The following MARCHF2 variants were observed in gnomAD, a reference collection of about 807,000 sequenced individuals.
The protein encoded by MARCHF2 is membrane associated ring-CH-type finger 2.
Under a neutral mutation model 24.0 loss-of-function variants are expected in MARCHF2, and 22 were observed. The observed-to-expected ratio is 0.92, with a 90% CI of 0.66 to 1.31. MARCHF2 has a LOEUF of 1.31. Ranked by LOEUF, MARCHF2 falls within the 50% of genes most tolerant of loss-of-function variation. The pLI, the probability that MARCHF2 is intolerant of heterozygous loss-of-function variation, is 0.00. For missense variants in MARCHF2, 301 were observed against 335.3 expected (o/e 0.90, Z 0.80); for synonymous variants, 154 against 153.0 (o/e 1.01, Z -0.05).
chr19:8,417,012 G>A (rs1380714954), intron 1 of MARCHF2, among the ~76,000 whole-genome samples: 1 of 151,792 alleles, frequency 6.6e-6, no homozygotes, highest in Non-Finnish European at 1.5e-5. Flanking sequence ...GAAGCTGCTA[G>A]TATAATTTTG....
intron 3 of MARCHF2, among the ~76,000 whole-genome samples, chr19:8,428,519 G>A (rs11882689): frequency 0.029 from 4,253 of 147,226 alleles, 77 homozygotes; most frequent in Non-Finnish European, 0.041. Flanking sequence ...GTGTGGTGGC[G>A]CATGCCTGTA....
chr19:8,434,497 C>T (rs530167244), intron 4 of MARCHF2, among the ~76,000 whole-genome samples: 15 of 151,684 alleles, frequency 9.9e-5, no homozygotes, highest in African/African-American at 3.4e-4. Context: ...ACACACACAA[C>T]GAGGCAGCCA....
intron 1 of MARCHF2, 183 bp downstream of exon 1, chr19:8,413,603 C>G (rs1326618143): frequency 6.6e-6 from 1 of 152,188 alleles, no homozygotes; most frequent in African/African-American, 2.4e-5. Flanking sequence ...GGGTCCGGCA[C>G]ACATAGGCGC....
chr19:8,417,657 C>T (rs1196047905), intron 1 of MARCHF2, among the ~76,000 whole-genome samples: 2 of 151,020 alleles, frequency 1.3e-5, no homozygotes, highest in Non-Finnish European at 1.5e-5. Context: ...AGGCTGGTCT[C>T]GAACTCCTGA....
chr19:8,430,625 C>G lies in MARCHF2; in HGVS notation c.373-33C>G. On this transcript the variant is annotated intron_variant, in intron 3 of 4. Transcript: ENST00000215555. This position sits in a 1 kb window ranked among gnomAD's most constrained non-coding sequence, Gnocchi z 4.4. ...CCCCTCAGTAGCCCCTTCTCTGCCC[C>G]CTCTCCTCTGCCCCCTATCCTCTCC... 1 of 1,584,238 alleles carries G rather than the reference C, an allele frequency of 6.3e-7. No homozygotes were observed.
At chr19:8,413,773 G>A (rs1967010445) in intron 1 of MARCHF2, 1 of 152,228 alleles carries the variant, frequency 6.6e-6, no homozygotes, top group African/African-American at 2.4e-5. Context: ...CTCCTTCTCA[G>A]AGCGGCTCTG....
At chr19:8,421,382 C>CTTTTTTTTTTTTTT (rs1254772289) in intron 1 of MARCHF2, among the ~76,000 whole-genome samples, 198 of 111,584 alleles carry the variant, frequency 1.8e-3, no homozygotes, top group Middle Eastern at 5.6e-3. Flanking sequence ...TCTTTCTTTT[C>CTTTTTTTTTTTTTT]TTTTTTTTTT....
rs142636565 is a variant in MARCHF2, at chr19:8,433,404, C to T, written c.582+2537C>T. ...CTAAAAATACAAAAAATTGGCCAGG[C>T]ACGGTGGCTCACGCCTGTAATTCCA... On this transcript the variant is annotated intron_variant, in intron 4 of 4. Transcript: ENST00000215555. 7.2e-3 allele frequency among the ~76,000 whole-genome samples: 1,084 copies of T among 151,594 alleles called. 7 individuals carry two copies. The highest frequency in any genetic ancestry group is 0.017 in the Middle Eastern group (5 of 292).
At position 8,428,556 on chromosome 19, in the gene MARCHF2, A is replaced by G. The variant is rs575913545; in HGVS notation, c.372+1752A>G. 8.9e-5 allele frequency among the ~76,000 whole-genome samples: 13 copies of G among 145,970 alleles called. No individual in the cohort carries two copies. The East Asian group carries it at 2.5e-3, about 29-fold the overall frequency. ...TCCCAGCTACTTGGGAGGCTGAGGC[A>G]GGAGAATCACTTAAAGCTGGGAGGC... On this transcript the variant is annotated intron_variant, in intron 3 of 4. Coordinates refer to ENST00000215555, the MANE Select transcript of MARCHF2 (RefSeq NM_001005415.2).
intron 1 of MARCHF2, among the ~76,000 whole-genome samples, chr19:8,416,567 T>C (rs952987109): frequency 6.6e-5 from 10 of 152,016 alleles, no homozygotes; most frequent in South Asian, 2.1e-4. Context: ...GTGGACCCCA[T>C]TGGCACTTCA....
intron 2 of MARCHF2, among the ~76,000 whole-genome samples, chr19:8,422,886 G>A (rs1967289465): frequency 7.1e-6 from 1 of 140,422 alleles, no homozygotes; most frequent in African/African-American, 2.7e-5. Flanking sequence ...TGTATTTTTG[G>A]TAGAGATGGG....
intron 1 of MARCHF2, among the ~76,000 whole-genome samples, chr19:8,417,193 C>T (rs971565551): frequency 1.3e-5 from 2 of 152,058 alleles, no homozygotes; most frequent in South Asian, 2.1e-4. Context: ...CCTGTAATCC[C>T]AGCACTTTGG....
intron 4 of MARCHF2, among the ~76,000 whole-genome samples, chr19:8,436,732 G>A (rs569651213): frequency 3.5e-5 from 5 of 141,726 alleles, no homozygotes; most frequent in Non-Finnish European, 7.5e-5. Flanking sequence ...ACCCAGGCTG[G>A]AGTGAAGTGG....
chr19:8,428,921 G>A (rs1325687991), intron 3 of MARCHF2, among the ~76,000 whole-genome samples: 2 of 151,562 alleles, frequency 1.3e-5, no homozygotes, highest in East Asian at 3.9e-4. Context: ...GGCAACAAGA[G>A]CGAAACTCCG....
At position 8,438,688 on chromosome 19, in the gene MARCHF2, G is replaced by T; in HGVS notation, c.*142G>T. ...CGCTTCTTAGGCCAAGAGACACCAT[G>T]CAGAGCCTAGTCTGTGATCCTGTGT... is the stretch of plus-strand genomic sequence containing the variant. On this transcript the variant is annotated 3_prime_UTR_variant, in exon 5 of 5. Transcript: ENST00000215555. The T allele has an allele frequency of 1.2e-6, 1 of 822,964 alleles. No homozygotes were observed. The allele number at this position is 822,964 out of a possible 1,614,324, so 51.0% of individuals were successfully genotyped here. A position where few individuals can be genotyped will look rare whatever the true frequency, so the allele number is the denominator to read the frequency against.
At chr19:8,431,672 A>G (rs765888308) in intron 4 of MARCHF2, among the ~76,000 whole-genome samples, 11 of 150,574 alleles carry the variant, frequency 7.3e-5, no homozygotes, top group Non-Finnish European at 1.3e-4. Context: ...CCTTGTCTCT[A>G]CTAAAAATAC....
At chr19:8,428,482 T>A (rs1001269741) in intron 3 of MARCHF2, among the ~76,000 whole-genome samples, 1 of 149,624 alleles carries the variant, frequency 6.7e-6, no homozygotes, top group Non-Finnish European at 1.5e-5. Context: ...AGCAAAACTC[T>A]GTCTCAAACG....
intron 1 of MARCHF2, chr19:8,418,480 A>G: frequency 6.5e-6 from 1 of 153,600 alleles, no homozygotes; most frequent in Non-Finnish European, 1.4e-5. Flanking sequence ...CCCACTTTGG[A>G]GCTCAGATTT....
chr19:8,417,454 C>T (rs776100396), intron 1 of MARCHF2, among the ~76,000 whole-genome samples: 17 of 150,106 alleles, frequency 1.1e-4, no homozygotes, highest in Non-Finnish European at 4.4e-5. Flanking sequence ...TTTTTTTGGG[C>T]GGGGGGATGA....
Sources: gnomAD v4.1 joint callset for allele counts (sites outside exome capture counted in the v4.1 genomes callset) on GRCh38, gnomAD v4.1.1 for gene constraint, Gnocchi (gnomAD v3.1) non-coding constraint, MANE v1.5 for transcripts, NCBI Gene and HGNC (gene_info 2026-07-23, HGNC 2026-07-21) for gene names.